Variants in NRXN3 observed in about 807,000 individuals in gnomAD.
The protein encoded by NRXN3 is neurexin III.
A neutral mutation model predicts 137.6 loss-of-function variants in NRXN3; 32 were observed. The observed-to-expected ratio is 0.23, with a 90% CI of 0.18 to 0.31. The LOEUF (loss-of-function observed/expected upper bound fraction) is 0.31, where lower values mean the gene tolerates loss of function less well. NRXN3 is among the 10% of genes least tolerant of loss of function. The probability of loss-of-function intolerance (pLI) is 1.00; values close to 1 mark genes in which losing one functional copy is unlikely to be tolerated. For missense variants in NRXN3, 1,574 were observed against 2,062.5 expected, an observed-to-expected ratio of 0.76 and a Z score of 4.59; for synonymous variants, 798 against 784.5, an observed-to-expected ratio of 1.02 and a Z score of -0.29.
chr14:79,331,939 C>T lies in NRXN3; in HGVS notation c.3263-135282C>T, dbSNP rs146689661. Among the ~76,000 whole-genome samples the T allele has an allele frequency of 4.2e-4, 64 of 152,044 alleles. 2 individuals are homozygous for T. In the East Asian group the frequency reaches 0.011, roughly 27 times the overall value. ...ACATTTAGACTGTATTTCATTCAGG[C>T]AGATACTTTTACTTTATTACATTCC... is the stretch of plus-strand genomic sequence containing the variant. On this transcript the variant is annotated intron_variant, in intron 15 of 20. Transcript: ENST00000335750.
intron 16 of NRXN3, among the ~76,000 whole-genome samples, chr14:79,491,672 A>G (rs953518628): frequency 4.0e-5 from 6 of 149,412 alleles, no homozygotes; most frequent in Non-Finnish European, 8.9e-5. Context: ...TGTGTGTGTG[A>G]GAGAAAGAGA....
chr14:78,308,435 C>G (rs2077593322), intron 4 of NRXN3, among the ~76,000 whole-genome samples: 1 of 152,016 alleles, frequency 6.6e-6, no homozygotes, highest in Non-Finnish European at 1.5e-5. Context: ...GCTCTGCAGC[C>G]CTTTTAAATG....
intron 8 of NRXN3, among the ~76,000 whole-genome samples, chr14:78,778,470 C>G (rs2098751896): frequency 6.6e-6 from 1 of 152,082 alleles, no homozygotes; most frequent in African/African-American, 2.4e-5. Flanking sequence ...CTCTTTATTT[C>G]TTAAGGATTA....
chr14:79,565,341 ATG>A (rs543160033), intron 16 of NRXN3, among the ~76,000 whole-genome samples: 2 of 138,854 alleles, frequency 1.4e-5, no homozygotes, highest in Non-Finnish European at 1.5e-5. Flanking sequence ...ATATATACAT[ATG>A]TGTGCGTATA....
intron 9 of NRXN3, among the ~76,000 whole-genome samples, chr14:78,806,389 A>C (rs2098869559): frequency 6.6e-6 from 1 of 152,098 alleles, no homozygotes; most frequent in Non-Finnish European, 1.5e-5. Context: ...TTTGCCGTGA[A>C]TTTGTGTTTC....
intron 15 of NRXN3, among the ~76,000 whole-genome samples, chr14:79,256,205 A>G (rs1052661488): frequency 6.7e-6 from 1 of 149,798 alleles, no homozygotes; most frequent in Non-Finnish European, 1.5e-5. Context: ...ACACACACAC[A>G]CCCCCCAGAA....
Position 78,999,777 on chromosome 14 carries a change from C to T in NRXN3, c.3262+11636C>T, listed in dbSNP as rs2099537646. On this transcript the variant is annotated intron_variant, in intron 15 of 20. Transcript: ENST00000335750. ...GGTTGGAGGGAAAACACCGCTATAA[C>T]ATAATATGGGAAAAGAGCCTCTTGG... Among the ~76,000 whole-genome samples, 3 of 152,138 alleles carry T rather than the reference C, an allele frequency of 2.0e-5. No homozygotes were observed. In the South Asian group the frequency reaches 6.2e-4, roughly 32 times the overall value.
chr14:79,008,373 T>C (rs1343703212), intron 15 of NRXN3, among the ~76,000 whole-genome samples: 6 of 152,212 alleles, frequency 3.9e-5, no homozygotes, highest in Non-Finnish European at 7.3e-5. Flanking sequence ...ATACTATAAC[T>C]TACTTTTTTG....
chr14:78,437,784 T>G (rs2094121678), intron 4 of NRXN3, among the ~76,000 whole-genome samples: 1 of 152,232 alleles, frequency 6.6e-6, no homozygotes, highest in African/African-American at 2.4e-5. Flanking sequence ...GTCAGAGACC[T>G]GGGAATCTGC....
In NRXN3 at chr14:79,089,037, G is replaced by C. The variant is rs114506043; in HGVS notation, c.3262+100896G>C. 2.1e-3 allele frequency among the ~76,000 whole-genome samples: 323 copies of C among 152,198 alleles called. 1 individual carries two copies. Among genetic ancestry groups the C allele is most frequent in the African/African-American group, 7.5e-3 (311 of 41,516 alleles). On this transcript the variant is annotated intron_variant, in intron 15 of 20. Transcript: ENST00000335750. ...ATCACTCTCAGATTTTGTGGGGATA[G>C]AGTGTTGGTAGCAGGAAGCGGCAGA...
intron 16 of NRXN3, among the ~76,000 whole-genome samples, chr14:79,649,425 T>G (rs1420209530): frequency 2.0e-5 from 3 of 152,154 alleles, no homozygotes; most frequent in Admixed American, 6.6e-5. Context: ...TTATTTATAT[T>G]TATTTTGACT....
At chr14:79,399,190 G>T (rs2095118538) in intron 15 of NRXN3, among the ~76,000 whole-genome samples, 1 of 152,010 alleles carries the variant, frequency 6.6e-6, no homozygotes, top group African/African-American at 2.4e-5. Context: ...ATGCCAATAT[G>T]CCATCCTCAT....
intron 16 of NRXN3, among the ~76,000 whole-genome samples, chr14:79,523,742 G>A (rs1293762312): frequency 6.6e-6 from 1 of 152,218 alleles, no homozygotes; most frequent in African/African-American, 2.4e-5. Flanking sequence ...TTGAGATTTA[G>A]GGACTAAGGT....
At chr14:79,518,964 T>C (rs770916790) in intron 16 of NRXN3, among the ~76,000 whole-genome samples, 12 of 152,188 alleles carry the variant, frequency 7.9e-5, no homozygotes, top group Admixed American at 2.6e-4. Flanking sequence ...TATTTTCTTT[T>C]TCTATGCCAC....
At position 79,708,982 on chromosome 14, in the gene NRXN3, T is replaced by TGAGA. The variant is rs142447936; in HGVS notation, c.4014+11060_4014+11063dup. Among the ~76,000 whole-genome samples, 11 of 150,258 alleles carry TGAGA rather than the reference T, an allele frequency of 7.3e-5. 1 individual carries two copies. The highest frequency in any genetic ancestry group is 2.2e-4 in the African/African-American group (9 of 41,052). ...CCATCTTATTATGTGTGTGTGTGTG[T>TGAGA]GAGAGAGAGAGAGAGAGACAGGGAG... On this transcript the variant is annotated intron_variant, in intron 19 of 20. Coordinates refer to ENST00000335750, the MANE Select transcript of NRXN3 (RefSeq NM_001330195.2).
chr14:78,186,787 A>T (rs893603167), intron 1 of NRXN3, among the ~76,000 whole-genome samples: 2 of 152,094 alleles, frequency 1.3e-5, no homozygotes, highest in Non-Finnish European at 1.5e-5. Context: ...AAGGGACAGG[A>T]TAGTGGTGGG....
intron 19 of NRXN3, among the ~76,000 whole-genome samples, chr14:79,746,221 A>G (rs1454701445): frequency 1.3e-5 from 2 of 152,126 alleles, no homozygotes; most frequent in Non-Finnish European, 2.9e-5. Flanking sequence ...TTAGTAAAAT[A>G]CAGATTCCTG....
intron 16 of NRXN3, among the ~76,000 whole-genome samples, chr14:79,472,678 G>T (rs754126657): frequency 5.4e-4 from 82 of 152,092 alleles, no homozygotes; most frequent in Non-Finnish European, 9.7e-4. Context: ...AGGAATTAAA[G>T]CTCAATTTTG....
rs182078755 is a variant in NRXN3, at chr14:78,702,992, C to A, written c.1222-6225C>A. On this transcript the variant is annotated intron_variant, in intron 6 of 20. Coordinates refer to ENST00000335750, the MANE Select transcript of NRXN3 (RefSeq NM_001330195.2). The stretch of plus-strand genomic sequence containing the variant: ...GCTGAGACAAGTTAAATATCGTGCC[C>A]AATGTAACACAGTTGGTAAGGTGTC... 7.6e-3 allele frequency among the ~76,000 whole-genome samples: 1,162 copies of A among 152,182 alleles called. 22 individuals are homozygous for A. The highest frequency in any genetic ancestry group is 0.015 in the South Asian group (71 of 4,806).
Sources: allele counts gnomAD v4.1 joint callset (sites outside exome capture counted in the v4.1 genomes callset), GRCh38; gene constraint gnomAD v4.1.1; transcripts MANE v1.5; gene names NCBI Gene and HGNC (gene_info 2026-07-23, HGNC 2026-07-21).